ATXN7: variants seen among roughly 807,000 people sequenced by gnomAD.
ATXN7 encodes the protein ataxin-7.
ATXN7 carries 12 observed loss-of-function variants against 70.5 expected under a neutral mutation model. The observed-to-expected ratio is 0.17, with a 90% CI of 0.11 to 0.28. ATXN7 has a LOEUF of 0.28. Ranked by LOEUF, ATXN7 falls within the 10% of genes least tolerant of loss-of-function variation. The probability of loss-of-function intolerance (pLI) is 1.00; values close to 1 mark genes in which losing one functional copy is unlikely to be tolerated. For synonymous variants in ATXN7, 498 were observed against 448.7 expected (o/e 1.11, Z -1.39); for missense variants, 1,256 against 1,131.7 (o/e 1.11, Z -1.58).
chr3:63,990,810 T>C lies in ATXN7; in HGVS notation c.1633T>C (p.Cys545Arg). 1.2e-6 allele frequency: 2 copies of C among 1,614,230 alleles called. No individual in the cohort carries two copies. Among genetic ancestry groups the C allele is most frequent in the Non-Finnish European group, 1.7e-6 (2 of 1,180,042 alleles). The change falls in exon 11 of 13, where the codon TGC becomes CGC. Residue 545 changes from cysteine to arginine, a missense_variant. Transcript: ENST00000674280. Reference protein sequence around the residue: ...VFDSRWNRLRCALNLMVEKHL... With the variant: ...VFDSRWNRLRRALNLMVEKHL... Reference sequence around the variant, plus strand: ...TGACTCCAGGTGGAATCGACTTCGCTGCGCCCTCAACCTCATGGTGGAGAA... The same window carrying C: ...TGACTCCAGGTGGAATCGACTTCGCCGCGCCCTCAACCTCATGGTGGAGAA...
chr3:63,871,863 T>TAAA (rs1322628178), intron 1 of ATXN7, among the ~76,000 whole-genome samples: 7 of 143,730 alleles, frequency 4.9e-5, no homozygotes, highest in Admixed American at 3.5e-4. Context: ...GTTTTTAAAT[T>TAAA]TAAAAAAAAA....
At chr3:63,876,994 A>T (rs779186265) in intron 1 of ATXN7, among the ~76,000 whole-genome samples, 12 of 152,218 alleles carry the variant, frequency 7.9e-5, no homozygotes, top group Admixed American at 5.2e-4. Flanking sequence ...TAAGATTGTG[A>T]TGTATACCAG....
intron 1 of ATXN7, among the ~76,000 whole-genome samples, chr3:63,874,809 A>G (rs1302921424): frequency 1.3e-5 from 2 of 152,188 alleles, no homozygotes; most frequent in Admixed American, 1.3e-4. Context: ...TGTGTGTCTT[A>G]GTCTGTTCAG....
chr3:63,996,403 G>A lies in ATXN7; in HGVS notation c.2581G>A (p.Ala861Thr). The change falls in exon 12 of 13, where the codon GCC becomes ACC. Residue 861 changes from alanine (A) to threonine (T), a missense_variant. Ala to Thr is a moderately conservative substitution (Grantham distance 58). Coordinates refer to ENST00000674280, the MANE Select transcript of ATXN7 (RefSeq NM_001377405.1). ...SKPTKVAKVP[A>T]VNNVHMKHTG... The stretch of plus-strand genomic sequence containing the variant: ...ACCCACAAAGGTTGCCAAAGTGCCA[G>A]CCGTGAACAATGTCCACATGAAACA... The A allele has an allele frequency of 6.2e-7, 1 of 1,614,156 alleles. No individual in the cohort carries two copies. The highest frequency in any genetic ancestry group is 8.5e-7 in the Non-Finnish European group (1 of 1,180,036).
intron 11 of ATXN7, among the ~76,000 whole-genome samples, chr3:63,993,201 C>A (rs1460152450): frequency 2.0e-5 from 3 of 151,094 alleles, no homozygotes; most frequent in African/African-American, 7.3e-5. Flanking sequence ...TACTTGTCCT[C>A]TGTTGATTTG....
At chr3:63,953,119 A>G (rs1333481392) in intron 5 of ATXN7, among the ~76,000 whole-genome samples, 1 of 152,080 alleles carries the variant, frequency 6.6e-6, no homozygotes, top group East Asian at 1.9e-4. Flanking sequence ...CGAATTGGAG[A>G]GGCAGGCAAA....
At position 63,995,831 on chromosome 3, in the gene ATXN7, A is replaced by T. The variant is rs1328175788; in HGVS notation, c.2009A>T (p.Lys670Ile). 6.2e-7 allele frequency: 1 copy of T among 1,614,186 alleles called. No individual in the cohort carries two copies. Among genetic ancestry groups the T allele is most frequent in the South Asian group, 1.1e-5 (1 of 91,090 alleles). ...GTTCCTTCCTCCCCCATGTCCAGGA[A>T]ACCTCAGAAATTGAAATCCAGCAAA... ...SSVPSSPMSR[K>I]PQKLKSSKSL... The change falls in exon 12 of 13, where the codon AAA (lysine) becomes ATA (isoleucine). Residue 670 changes from lysine to isoleucine, a missense_variant. Transcript: ENST00000674280.
At chr3:63,989,209 C>T (rs1214678955) in intron 9 of ATXN7, among the ~76,000 whole-genome samples, 1 of 152,202 alleles carries the variant, frequency 6.6e-6, no homozygotes, top group African/African-American at 2.4e-5. Flanking sequence ...GAGGAGGCTC[C>T]TCAGAGTGTG....
At chr3:63,990,600 C>A in intron 10 of ATXN7, 138 bp from the exon 11 acceptor site, 1 of 1,395,286 alleles carries the variant, frequency 7.2e-7, no homozygotes, top group Non-Finnish European at 1.0e-6. Context: ...GGCATTGTCA[C>A]TCTCATGCTT....
At chr3:63,899,061 C>CTTTT (rs34396635) in intron 2 of ATXN7, among the ~76,000 whole-genome samples, 2 of 147,498 alleles carry the variant, frequency 1.4e-5, no homozygotes, top group Non-Finnish European at 3.0e-5. Flanking sequence ...AATGGAGTGT[C>CTTTT]TTTTTTTTTT....
chr3:63,910,577 A>G (rs576983660), intron 2 of ATXN7, among the ~76,000 whole-genome samples: 6 of 152,344 alleles, frequency 3.9e-5, no homozygotes, highest in Non-Finnish European at 8.8e-5. Flanking sequence ...GTTAAAAGTT[A>G]GAAGGGAACT....
chr3:63,895,693 C>CT (rs1442859699), intron 1 of ATXN7, among the ~76,000 whole-genome samples: 1 of 152,090 alleles, frequency 6.6e-6, no homozygotes, highest in Non-Finnish European at 1.5e-5. Context: ...GAGATTCTCT[C>CT]TCTCTTTCTT....
At chr3:63,973,519 C>G (rs934914618) in intron 5 of ATXN7, among the ~76,000 whole-genome samples, 2 of 152,120 alleles carry the variant, frequency 1.3e-5, no homozygotes, top group African/African-American at 4.8e-5. Context: ...CAAACTGATG[C>G]AGGATTTTTC....
chr3:63,982,892 G>A, intron 7 of ATXN7, 47 bp from the exon 8 acceptor site: 2 of 1,418,436 alleles, frequency 1.4e-6, no homozygotes, highest in Non-Finnish European at 1.0e-6. Flanking sequence ...AAAATACATG[G>A]AGGAGAGTTT....
chr3:63,982,358 G>A lies in ATXN7; in HGVS notation c.925G>A (p.Gly309Ser), dbSNP rs2075503009. 6.2e-7 allele frequency: 1 copy of A among 1,614,110 alleles called. No homozygotes were observed. Among genetic ancestry groups the A allele is most frequent in the Non-Finnish European group, 8.5e-7 (1 of 1,180,032 alleles). ...GCCTTCACCTGGACAGATTCTGAATGGCAAAGGGCTTCCTGCACCGCCCAC... is the reference window on the plus strand; with the variant it reads ...GCCTTCACCTGGACAGATTCTGAATAGCAAAGGGCTTCCTGCACCGCCCAC... ...TLPSPGQILN[G>S]KGLPAPPTLE... Residue 309 changes from glycine (G) to serine (S), a missense_variant, in exon 7 of 13, where the codon GGC becomes AGC. Physicochemically the swap from Gly to Ser is moderately conservative, Grantham distance 56. Coordinates refer to ENST00000674280, the MANE Select transcript of ATXN7 (RefSeq NM_001377405.1).
At chr3:63,997,376 A>G (rs1371395799) in intron 12 of ATXN7, among the ~76,000 whole-genome samples, 1 of 152,258 alleles carries the variant, frequency 6.6e-6, no homozygotes, top group Non-Finnish European at 1.5e-5. Flanking sequence ...CAGTATGGGC[A>G]TAGCAGAAGA....
intron 5 of ATXN7, among the ~76,000 whole-genome samples, chr3:63,952,690 A>T (rs2074974423): frequency 6.6e-6 from 1 of 152,082 alleles, no homozygotes; most frequent in African/African-American, 2.4e-5. Flanking sequence ...TTTGACTTTT[A>T]TTGAAATTAG....
Position 63,950,386 on chromosome 3 carries a change from A to G in ATXN7, c.395-1993A>G, listed in dbSNP as rs80241166. On this transcript the variant is annotated intron_variant, in intron 4 of 12. Transcript: ENST00000674280. ...AGAACTGAGGGAAATCACAGAGACC[A>G]CCAGCAGCACATTGCAGAGACCTAA... is the stretch of plus-strand genomic sequence containing the variant. 9.8e-3 allele frequency among the ~76,000 whole-genome samples: 1,500 copies of G among 152,324 alleles called. 21 individuals carry two copies. Among genetic ancestry groups the G allele is most frequent in the African/African-American group, 0.033 (1,353 of 41,564 alleles).
In ATXN7 at chr3:63,990,217, T is replaced by C. The variant is rs1346331791; in HGVS notation, c.1403T>C (p.Ile468Thr). 2.5e-6 allele frequency: 4 copies of C among 1,613,698 alleles called. No individual in the cohort carries two copies. Among genetic ancestry groups the C allele is most frequent in the South Asian group, 1.1e-5 (1 of 91,050 alleles). Residue 468 changes from isoleucine (I) to threonine (T), a missense_variant, in exon 10 of 13, where the codon ATT becomes ACT. Coordinates refer to ENST00000674280, the MANE Select transcript of ATXN7 (RefSeq NM_001377405.1). Reference protein sequence around the residue: ...CPAQQGGSAPIDPPPVHESPH... With the variant: ...CPAQQGGSAPTDPPPVHESPH... ...GCTCAGCAAGGTGGGAGTGCCCCCA[T>C]TGACCCTCCTCCAGTCCATGAATCT...
Sources: allele counts gnomAD v4.1 joint callset (sites outside exome capture counted in the v4.1 genomes callset), GRCh38; gene constraint gnomAD v4.1.1; transcripts MANE v1.5; gene names NCBI Gene and HGNC (gene_info 2026-07-23, HGNC 2026-07-21).